Variants in DPYSL2 observed in about 807,000 individuals in gnomAD.
DPYSL2 encodes dihydropyrimidinase-related protein 2.
In DPYSL2, 13 loss-of-function variants were observed where a neutral mutation model predicts 69.9. That is an observed-to-expected ratio of 0.19 (90% CI 0.12 to 0.30). The LOEUF (loss-of-function observed/expected upper bound fraction) is 0.30, where lower values mean the gene tolerates loss of function less well. Among genes scored for constraint, DPYSL2 ranks in the 10% least tolerant of loss-of-function variants. The pLI is 1.00. For missense variants in DPYSL2, 587 were observed against 918.9 expected, an observed-to-expected ratio of 0.64 and a Z score of 4.67; for synonymous variants, 326 against 359.1, an observed-to-expected ratio of 0.91 and a Z score of 1.04.
intron 11 of DPYSL2, among the ~76,000 whole-genome samples, chr8:26,651,783 A>G (rs1803285015): frequency 6.6e-6 from 1 of 152,196 alleles, no homozygotes; most frequent in African/African-American, 2.4e-5. Flanking sequence ...CAATCCTTTC[A>G]TTTAGGGACT....
intron 1 of DPYSL2, among the ~76,000 whole-genome samples, chr8:26,531,879 G>A (rs867127046): frequency 6.0e-5 from 9 of 151,040 alleles, no homozygotes; most frequent in Non-Finnish European, 8.9e-5. Flanking sequence ...GCTTGATGGC[G>A]GGTGAGTGGC....
At chr8:26,646,854 A>G (rs1803175056) in intron 10 of DPYSL2, among the ~76,000 whole-genome samples, 1 of 152,044 alleles carries the variant, frequency 6.6e-6, no homozygotes, top group Non-Finnish European at 1.5e-5. Flanking sequence ...ATGGTGGTGC[A>G]TGCCTGTCTT....
rs1235509066 is a variant in DPYSL2, at chr8:26,564,242, G to A, written c.355-17727G>A. On this transcript the variant is annotated intron_variant, in intron 1 of 13. Transcript: ENST00000521913. This position sits in a 1 kb window ranked among gnomAD's most constrained non-coding sequence, Gnocchi z 4.8. The stretch of plus-strand genomic sequence containing the variant: ...GCGAAGAGGCCAACTGTAGTGGGTT[G>A]AGAAGCAAATGGGAGTGGAAGTTGA... Among the ~76,000 whole-genome samples, 1 of 152,188 alleles carries A rather than the reference G, an allele frequency of 6.6e-6. No individual in the cohort carries two copies. Among genetic ancestry groups the A allele is most frequent in the Non-Finnish European group, 1.5e-5 (1 of 68,044 alleles).
At position 26,514,436 on chromosome 8, in the gene DPYSL2, G is replaced by A; in HGVS notation, c.111G>A (p.Met37Ile). The change falls in exon 1 of 14, where the codon ATG (methionine) becomes ATA (isoleucine). Residue 37 changes from methionine to isoleucine, a missense_variant. Coordinates refer to ENST00000521913, the MANE Select transcript of DPYSL2 (RefSeq NM_001197293.3). The surrounding 1 kb of genome is among the most constrained non-coding windows in gnomAD (Gnocchi z 8.4). Reference sequence around the variant, plus strand: ...AGCCCCGGCAGAAATTCTGTGGCATGTTCTGCCCGGTGGAAGGGTCCTCGG... The same window carrying A: ...AGCCCCGGCAGAAATTCTGTGGCATATTCTGCCCGGTGGAAGGGTCCTCGG... Reference protein sequence around the residue: ...SPKPRQKFCGMFCPVEGSSEN... With the variant: ...SPKPRQKFCGIFCPVEGSSEN... The A allele has an allele frequency of 6.5e-7, 1 of 1,527,118 alleles. No individual in the cohort carries two copies. The highest frequency in any genetic ancestry group is 8.7e-7 in the Non-Finnish European group (1 of 1,143,618). The allele number at this position is 1,527,118 out of a possible 1,614,324, so 94.6% of individuals were successfully genotyped here. A position where few individuals can be genotyped will look rare whatever the true frequency, so the allele number is the denominator to read the frequency against.
chr8:26,657,981 G>A lies in DPYSL2; in HGVS notation c.*2275G>A, dbSNP rs1803431227. On this transcript the variant is annotated 3_prime_UTR_variant, in exon 14 of 14. Transcript: ENST00000521913. ...GTTTTTAATCCTGGAAATTGTGATTGTGACCCATGAGTGGAGGAACTTTCA... is the reference window on the plus strand; with the variant it reads ...GTTTTTAATCCTGGAAATTGTGATTATGACCCATGAGTGGAGGAACTTTCA... 1 of 152,624 alleles carries A rather than the reference G, an allele frequency of 6.6e-6. No homozygotes were observed. The highest frequency in any genetic ancestry group is 2.1e-4 in the South Asian group (1 of 4,828). 9.5% of individuals were successfully genotyped at this position (152,624 alleles called of 1,614,324 possible).
chr8:26,641,824 T>TCCC lies in DPYSL2; in HGVS notation c.1127-1613_1127-1611dup, dbSNP rs1173248281. On this transcript the variant is annotated intron_variant, in intron 8 of 13. Transcript: ENST00000521913. The surrounding 1 kb of genome is among the most constrained non-coding windows in gnomAD (Gnocchi z 4.1). Reference sequence around the variant, plus strand: ...AGCTGCCTGCTGTGGCCTCCAGCACTCCCCAGCTGAACAGCGAGTCCTTTG... The same window carrying TCCC: ...AGCTGCCTGCTGTGGCCTCCAGCACTCCCCCCCAGCTGAACAGCGAGTCCTTTG... 2.0e-5 allele frequency among the ~76,000 whole-genome samples: 3 copies of TCCC among 152,264 alleles called. No individual in the cohort carries two copies. The East Asian group carries it at 5.8e-4, about 29-fold the overall frequency.
rs1047568154 is a variant in DPYSL2 at position 26,591,687 on chromosome 8, A to G, written c.628+7704A>G. ...GAGATATGAGACTGATGAATGCAGA[A>G]CTGCTCTGGTTGGAATGGTGGGTGG... On this transcript the variant is annotated intron_variant, in intron 3 of 13. Coordinates refer to ENST00000521913, the MANE Select transcript of DPYSL2 (RefSeq NM_001197293.3). This position sits in a 1 kb window ranked among gnomAD's most constrained non-coding sequence, Gnocchi z 5.8. Among the ~76,000 whole-genome samples the G allele has an allele frequency of 2.0e-5, 3 of 152,180 alleles. No homozygotes were observed. The highest frequency in any genetic ancestry group is 7.2e-5 in the African/African-American group (3 of 41,450).
At chr8:26,551,282 GGTATATTAATTTATGACAAAGTAGAC>G (rs1440499273) in intron 1 of DPYSL2, among the ~76,000 whole-genome samples, 2 of 152,122 alleles carry the variant, frequency 1.3e-5, no homozygotes, top group African/African-American at 4.8e-5. Flanking sequence ...AGTTAGAATA[GGTATATTAATTTATGACAAAGTAGAC>G]TTCAGAGCTA....
At chr8:26,616,302 C>T (rs187305988) in intron 3 of DPYSL2, among the ~76,000 whole-genome samples, 13 of 152,122 alleles carry the variant, frequency 8.5e-5, no homozygotes, top group African/African-American at 2.9e-4. Flanking sequence ...CCAAGCACAA[C>T]CCACAAAGGC....
chr8:26,577,146 TC>T, intron 1 of DPYSL2: 1 of 446,974 alleles, frequency 2.2e-6, no homozygotes, highest in Non-Finnish European at 4.5e-6. Flanking sequence ...TGGAAGGGTT[TC>T]CTCAGGGCTC....
rs1803307724 is a variant in DPYSL2 at position 26,652,926 on chromosome 8, T to C, written c.1777-306T>C. ...TGGAAAGAAAGTTTGGGGCCAGATC[T>C]TGAACATGATACCAGATCCGCCTCA... On this transcript the variant is annotated intron_variant, in intron 12 of 13. Transcript: ENST00000521913. This position sits in a 1 kb window ranked among gnomAD's most constrained non-coding sequence, Gnocchi z 6.3. 6.6e-6 allele frequency among the ~76,000 whole-genome samples: 1 copy of C among 152,202 alleles called. No individual in the cohort carries two copies. The highest frequency in any genetic ancestry group is 1.5e-5 in the Non-Finnish European group (1 of 68,032).
chr8:26,582,099 C>G lies in DPYSL2; in HGVS notation c.443+42C>G, dbSNP rs1219445099. The G allele has an allele frequency of 6.6e-7, 1 of 1,508,590 alleles. No individual in the cohort carries two copies. Among genetic ancestry groups the G allele is most frequent in the Non-Finnish European group, 9.2e-7 (1 of 1,087,926 alleles). 93.5% of individuals were successfully genotyped at this position (1,508,590 alleles called of 1,614,324 possible). ...ATATACAGATGTATTTGAACACTTT[C>G]CAGACTTCCCAAGTATTAGATACCA... On this transcript the variant is annotated intron_variant, in intron 2 of 13. Transcript: ENST00000521913. This position sits in a 1 kb window ranked among gnomAD's most constrained non-coding sequence, Gnocchi z 4.1.
chr8:26,573,105 C>T (rs751352909), intron 1 of DPYSL2, among the ~76,000 whole-genome samples: 10 of 152,138 alleles, frequency 6.6e-5, no homozygotes, highest in Non-Finnish European at 1.2e-4. Flanking sequence ...TTAGTGGAGG[C>T]GGAGCTTAAA....
chr8:26,647,634 C>T lies in DPYSL2; in HGVS notation c.1430C>T (p.Thr477Ile). ...MSVIWDKAVV[T>I]GKMDENQFVA... ...CACCTATGCTGTCTCCCTCAGGTCA[C>T]TGGGAAGATGGATGAGAACCAGTTT... Residue 477 changes from threonine (T) to isoleucine (I), a missense_variant, in exon 11 of 14, where the codon ACT becomes ATT. Thr to Ile is a moderately conservative substitution (Grantham distance 89). Around this residue, in one of 3 missense-constraint regions of DPYSL2, gnomAD observed 452 missense variants for 754.3 expected, o/e 0.60. Coordinates refer to ENST00000521913, the MANE Select transcript of DPYSL2 (RefSeq NM_001197293.3). The surrounding 1 kb of genome is among the most constrained non-coding windows in gnomAD (Gnocchi z 5.1). The T allele has an allele frequency of 6.2e-7, 1 of 1,612,018 alleles. No homozygotes were observed. The highest frequency in any genetic ancestry group is 8.5e-7 in the Non-Finnish European group (1 of 1,179,052).
chr8:26,623,214 G>A (rs1802537285), intron 3 of DPYSL2, among the ~76,000 whole-genome samples: 1 of 152,174 alleles, frequency 6.6e-6, no homozygotes, highest in South Asian at 2.1e-4. Context: ...TGGAGAGCAG[G>A]GTACAAGGGA....
Position 26,655,681 on chromosome 8 carries a change from G to T in DPYSL2, c.2009G>T (p.Arg670Leu). 1.2e-6 allele frequency: 2 copies of T among 1,608,174 alleles called. No individual in the cohort carries two copies. ...CGTATCGTGGCGCCCCCCGGTGGCC[G>T]TGCCAACATCACCAGCCTGGGCTAG... is the stretch of plus-strand genomic sequence containing the variant. ...TQRIVAPPGGRANITSLG is the reference protein window; with the variant it reads ...TQRIVAPPGGLANITSLG The change falls in exon 14 of 14, where the codon CGT becomes CTT. Residue 670 changes from arginine (R) to leucine (L), a missense_variant. Physicochemically the swap from Arg to Leu is moderately radical, Grantham distance 102. Coordinates refer to ENST00000521913, the MANE Select transcript of DPYSL2 (RefSeq NM_001197293.3).
chr8:26,655,864 C>T lies in DPYSL2; in HGVS notation c.*158C>T. The T allele has an allele frequency of 1.0e-5, 6 of 591,582 alleles. No homozygotes were observed. The highest frequency in any genetic ancestry group is 4.9e-4 in the Middle Eastern group (1 of 2,054). 36.6% of individuals were successfully genotyped at this position (591,582 alleles called of 1,614,324 possible). A position where few individuals can be genotyped will look rare whatever the true frequency, so the allele number is the denominator to read the frequency against. On this transcript the variant is annotated 3_prime_UTR_variant, in exon 14 of 14. Transcript: ENST00000521913. ...CAGTTCATGGGGTCCCCCTTGGGGC[C>T]CCACACCCCGTCTCTCACCAAGAGT...
chr8:26,522,546 G>A (rs1479575412), intron 1 of DPYSL2, among the ~76,000 whole-genome samples: 8 of 152,204 alleles, frequency 5.3e-5, no homozygotes, highest in African/African-American at 1.7e-4. Context: ...ACCATCACGT[G>A]GGTGGGAATT....
chr8:26,536,241 T>G (rs1472928852), intron 1 of DPYSL2, among the ~76,000 whole-genome samples: 2 of 151,820 alleles, frequency 1.3e-5, no homozygotes, highest in Non-Finnish European at 2.9e-5. Context: ...CACCCAACCT[T>G]AATTTTTGTA....
Sources: gnomAD v4.1 joint callset for allele counts (sites outside exome capture counted in the v4.1 genomes callset) on GRCh38, gnomAD v4.1.1 for gene constraint, gnomAD v4.1.1 regional missense constraint, Gnocchi (gnomAD v3.1) non-coding constraint, MANE v1.5 for transcripts, NCBI Gene and HGNC (gene_info 2026-07-23, HGNC 2026-07-21) for gene names.